Variants in EEF1D observed in about 807,000 individuals in gnomAD.
EEF1D encodes the protein elongation factor 1-delta.
EEF1D carries 47 observed loss-of-function variants against 63.9 expected under a neutral mutation model. The ratio of observed to expected loss-of-function variants is 0.74; its 90% CI spans 0.58 to 0.94. The LOEUF is 0.94. Among genes scored for constraint, EEF1D ranks in the 40% least tolerant of loss-of-function variants. EEF1D has a pLI of 0.00. For synonymous variants in EEF1D, 412 were observed against 386.1 expected, an observed-to-expected ratio of 1.07 and a Z score of -0.79; for missense variants, 907 against 899.0, an observed-to-expected ratio of 1.01 and a Z score of -0.11.
At chr8:143,581,009 G>A in intron 7 of EEF1D, 45 bp downstream of exon 7, 1 of 1,588,714 alleles carries the variant, frequency 6.3e-7, no homozygotes, top group Non-Finnish European at 8.6e-7. Context: ...AAGCCAGCAG[G>A]GCCACGTGGT....
chr8:143,584,765 G>T (rs1826242404), intron 5 of EEF1D, among the ~76,000 whole-genome samples: 1 of 152,092 alleles, frequency 6.6e-6, no homozygotes, highest in South Asian at 2.1e-4. Flanking sequence ...AATGACAGCG[G>T]GGGGGACCAT....
At chr8:143,579,913 ACTCTGGGACTCG>A in intron 9 of EEF1D, 83 bp from the exon 10 acceptor site, 1 of 1,544,784 alleles carries the variant, frequency 6.5e-7, no homozygotes, top group Non-Finnish European at 8.8e-7. Context: ...GGTGGGGTTC[ACTCTGGGACTCG>A]CTCCCCACTG....
chr8:143,596,895 A>G (rs1411084917), intron 1 of EEF1D: 1 of 152,350 alleles, frequency 6.6e-6, no homozygotes, highest in Non-Finnish European at 1.5e-5. Context: ...CTAAGTTCCA[A>G]AAGTGTTGCG....
chr8:143,581,296 G>A lies in EEF1D; in HGVS notation c.1320C>T (p.Ser440=), dbSNP rs2305493. 3.2e-4 allele frequency: 522 copies of A among 1,612,000 alleles called. 10 individuals carry two copies. The East Asian group carries it at 0.011, about 35-fold the overall frequency. Reference sequence around the variant, plus strand: ...GGACGACGAGCTCACCGTGGTCTCCGCTGGTGCCGCTGGAGGCCCCGGGGC... The same window carrying A: ...GGACGACGAGCTCACCGTGGTCTCCACTGGTGCCGCTGGAGGCCCCGGGGC... The part of the protein sequence containing the change: ...SSGPGASSGT[S]GDHGELVVRI... Residue 440 remains serine, a synonymous_variant, in exon 6 of 10, where the codon AGC becomes AGT. Transcript: ENST00000618139.
intron 3 of EEF1D, among the ~76,000 whole-genome samples, chr8:143,588,668 G>T (rs1827190890): frequency 6.6e-6 from 1 of 152,202 alleles, no homozygotes; most frequent in Non-Finnish European, 1.5e-5. Context: ...GCCCTGGCAT[G>T]TGACAGCCAC....
At chr8:143,586,454 G>T (rs1826645219) in intron 4 of EEF1D, among the ~76,000 whole-genome samples, 164 bp from the exon 5 acceptor site, 1 of 152,284 alleles carries the variant, frequency 6.6e-6, no homozygotes. Context: ...GCCTGAGGCT[G>T]TGACGACAGG....
intron 5 of EEF1D, among the ~76,000 whole-genome samples, chr8:143,584,662 G>A (rs912639519): frequency 7.2e-5 from 11 of 152,066 alleles, no homozygotes; most frequent in Non-Finnish European, 1.3e-4. Context: ...AGGACTCAGA[G>A]GAGGTGAGGA....
rs1402723303 is a variant in EEF1D, at chr8:143,586,155, G to GA, written c.1287+63dup. 7 of 1,500,812 alleles carry GA rather than the reference G, an allele frequency of 4.7e-6. No individual in the cohort carries two copies. The Admixed American group carries it at 1.3e-4, about 28-fold the overall frequency. 93.0% of individuals were successfully genotyped at this position (1,500,812 alleles called of 1,614,324 possible). On this transcript the variant is annotated intron_variant, in intron 5 of 9. Transcript: ENST00000618139. ...AAGCCAAAACAACCAGCAGCATCAGGAAAAATCAGACATGCTGCTTGGCCG... is the reference window on the plus strand; with the variant it reads ...AAGCCAAAACAACCAGCAGCATCAGGAAAAAATCAGACATGCTGCTTGGCCG...
At chr8:143,590,662 T>G in intron 2 of EEF1D, 1 of 900,194 alleles carries the variant, frequency 1.1e-6, no homozygotes, top group Non-Finnish European at 1.3e-6. Flanking sequence ...CCCAACACTT[T>G]GGGAGGCCGA....
intron 9 of EEF1D, 64 bp from the exon 10 acceptor site, chr8:143,579,894 C>T: frequency 6.5e-7 from 1 of 1,538,940 alleles, no homozygotes; most frequent in East Asian, 2.3e-5. Context: ...AGCCAGGAGC[C>T]TCCTCTGAGG....
intron 7 of EEF1D, 112 bp from the exon 8 acceptor site, chr8:143,580,839 C>G: frequency 7.6e-7 from 1 of 1,315,844 alleles, no homozygotes; most frequent in Non-Finnish European, 1.1e-6. Context: ...AAGGGCAGCC[C>G]CTGTGTACCG....
intron 2 of EEF1D, chr8:143,592,292 G>T: frequency 1.0e-6 from 1 of 984,854 alleles, no homozygotes; most frequent in Non-Finnish European, 1.2e-6. Flanking sequence ...TGGCCAAAGT[G>T]GCCTCAGACT....
intron 2 of EEF1D, among the ~76,000 whole-genome samples, chr8:143,591,139 G>A (rs916388218): frequency 6.6e-6 from 1 of 152,216 alleles, no homozygotes; most frequent in African/African-American, 2.4e-5. Context: ...CAAGCTAAAG[G>A]GGAATCATGG....
Position 143,589,644 on chromosome 8 carries a change from A to AC in EEF1D, c.437dup (p.Leu147SerfsTer28). ...CCACCTGGTTTCCATGGGTGCAGAG[A>AC]CCCCAAGGGGCCAAGGCAGGAGGCC... On this transcript the variant is annotated frameshift_variant, in exon 3 of 10. Transcript: ENST00000618139. LOFTEE classifies it high-confidence loss of function. The AC allele has an allele frequency of 6.5e-7, 1 of 1,540,502 alleles. No homozygotes were observed.
chr8:143,597,008 G>A (rs995713878), intron 1 of EEF1D: 12 of 152,288 alleles, frequency 7.9e-5, no homozygotes, highest in African/African-American at 2.7e-4. Context: ...AGCTGGGGCA[G>A]ATGTCTGGTC....
At chr8:143,587,465 G>A (rs772940311) in intron 3 of EEF1D, 2 of 152,302 alleles carry the variant, frequency 1.3e-5, no homozygotes, top group Non-Finnish European at 2.9e-5. Flanking sequence ...GAGTAACTGG[G>A]ACTACCAGTG....
At chr8:143,591,912 C>A (rs4874162) in intron 2 of EEF1D, among the ~76,000 whole-genome samples, 151,862 of 152,352 alleles carry the variant, frequency 1, 75,689 homozygotes, top group East Asian at 1. Flanking sequence ...CTGCACTCTG[C>A]AGCCTCTAAG....
Position 143,589,242 on chromosome 8 carries a change from G to A in EEF1D, c.840C>T (p.Gly280=). Residue 280 remains glycine (G), a synonymous_variant, in exon 3 of 10, where the codon GGC becomes GGT. Transcript: ENST00000618139. ...CCCGCTTGTTCCCTAAGATGTTGCG[G>A]CCCCGCCGGTCTCTGCGGCCCCGCC... The part of the protein sequence containing the change: ...GARRGRRDRR[G]RNILGNKRAG... 6.4e-7 allele frequency: 1 copy of A among 1,557,058 alleles called. No individual in the cohort carries two copies. The highest frequency in any genetic ancestry group is 8.7e-7 in the Non-Finnish European group (1 of 1,148,372).
At chr8:143,594,692 C>T (rs9657360) in intron 1 of EEF1D, among the ~76,000 whole-genome samples, 100,623 of 152,154 alleles carry the variant, frequency 0.66, 35,496 homozygotes, top group Non-Finnish European at 0.79. Context: ...TGCACGCCCA[C>T]CCCTCCCAGC....
Sources: gnomAD v4.1 joint callset for allele counts (sites outside exome capture counted in the v4.1 genomes callset) on GRCh38, gnomAD v4.1.1 for gene constraint, MANE v1.5 for transcripts, NCBI Gene and HGNC (gene_info 2026-07-23, HGNC 2026-07-21) for gene names.